ARPP21: variants seen among roughly 807,000 people sequenced by gnomAD.
The protein encoded by ARPP21 is cAMP-regulated phosphoprotein 21.
A neutral mutation model predicts 113.2 loss-of-function variants in ARPP21; 69 were observed. The ratio of observed to expected loss-of-function variants is 0.61; its 90% CI spans 0.50 to 0.74. ARPP21 has a LOEUF of 0.74. Ranked by LOEUF, ARPP21 falls within the 30% of genes least tolerant of loss-of-function variation. The probability of loss-of-function intolerance (pLI) is 0.00; values close to 1 mark genes in which losing one functional copy is unlikely to be tolerated. For synonymous variants in ARPP21, 368 were observed against 375.5 expected, an observed-to-expected ratio of 0.98 and a Z score of 0.23; for missense variants, 1,070 against 1,037.4, an observed-to-expected ratio of 1.03 and a Z score of -0.43.
At position 35,710,052 on chromosome 3, in the gene ARPP21, G is replaced by A. The variant is rs2090534205; in HGVS notation, c.897+982G>A. Among the ~76,000 whole-genome samples, 4 of 152,300 alleles carry A rather than the reference G, an allele frequency of 2.6e-5. No homozygotes were observed. The South Asian group carries it at 6.2e-4, about 24-fold the overall frequency. ...CCAGCTGGTCTGGTTCCATTAATAT[G>A]AAAGTGCAGGGGAGATTCAACCTCC... On this transcript the variant is annotated intron_variant, in intron 11 of 20. Coordinates refer to ENST00000684406, the MANE Select transcript of ARPP21 (RefSeq NM_001385562.1).
At chr3:35,779,232 G>C (rs2016739) in intron 19 of ARPP21, among the ~76,000 whole-genome samples, 67,280 of 151,998 alleles carry the variant, frequency 0.44, 16,160 homozygotes, top group African/African-American at 0.6. Context: ...AGCAGCAGAA[G>C]TGGCACAATT....
At chr3:35,710,029 A>G (rs1476238549) in intron 11 of ARPP21, among the ~76,000 whole-genome samples, 1 of 152,210 alleles carries the variant, frequency 6.6e-6, no homozygotes, top group Non-Finnish European at 1.5e-5. Flanking sequence ...CTGATCTTCC[A>G]GCTGGTCTGG....
At chr3:35,717,941 A>T (rs1320041989) in intron 13 of ARPP21, among the ~76,000 whole-genome samples, 1 of 152,114 alleles carries the variant, frequency 6.6e-6, no homozygotes, top group African/African-American at 2.4e-5. Flanking sequence ...GAGCGACCAT[A>T]CCCATTTTCT....
chr3:35,749,626 G>A (rs2095327885), intron 19 of ARPP21, among the ~76,000 whole-genome samples: 1 of 151,882 alleles, frequency 6.6e-6, no homozygotes, highest in African/African-American at 2.4e-5. Flanking sequence ...TTCTTTAAAT[G>A]TTTGTTAGAA....
At chr3:35,653,403 G>A (rs1366610129) in intron 1 of ARPP21, among the ~76,000 whole-genome samples, 3 of 151,992 alleles carry the variant, frequency 2.0e-5, no homozygotes, top group Admixed American at 6.6e-5. Context: ...AGGAGCTAAG[G>A]GAAGTAGGTA....
intron 14 of ARPP21, among the ~76,000 whole-genome samples, chr3:35,724,482 T>C (rs1434089127): frequency 6.6e-6 from 1 of 152,150 alleles, no homozygotes; most frequent in Admixed American, 6.6e-5. Flanking sequence ...ACTGGTTAAA[T>C]CCCAGATTGC....
At chr3:35,665,862 A>T (rs1016714186) in intron 1 of ARPP21, among the ~76,000 whole-genome samples, 1 of 152,168 alleles carries the variant, frequency 6.6e-6, no homozygotes, top group East Asian at 1.9e-4. Context: ...TGTATGCACA[A>T]TATGTGGAAG....
In ARPP21 at chr3:35,699,982, C is replaced by T. The variant is rs2085677630; in HGVS notation, c.687-6992C>T. Among the ~76,000 whole-genome samples the T allele has an allele frequency of 2.0e-5, 3 of 151,722 alleles. No individual in the cohort carries two copies. In the South Asian group the frequency reaches 6.2e-4, roughly 31 times the overall value. ...TTATATCTATCCTACTTAAGGTTAACTCTAAAGAAAATTTTGGATCAATAA... is the reference window on the plus strand; with the variant it reads ...TTATATCTATCCTACTTAAGGTTAATTCTAAAGAAAATTTTGGATCAATAA... On this transcript the variant is annotated intron_variant, in intron 9 of 20. Coordinates refer to ENST00000684406, the MANE Select transcript of ARPP21 (RefSeq NM_001385562.1).
At chr3:35,698,204 T>G (rs1226953607) in intron 9 of ARPP21, among the ~76,000 whole-genome samples, 2 of 151,716 alleles carry the variant, frequency 1.3e-5, no homozygotes, top group Non-Finnish European at 3.0e-5. Context: ...TCAAACTCCA[T>G]GTCATTTTCT....
chr3:35,671,737 C>G (rs1452034509), intron 1 of ARPP21, among the ~76,000 whole-genome samples: 1 of 151,612 alleles, frequency 6.6e-6, no homozygotes, highest in Non-Finnish European at 1.5e-5. Context: ...TCAGAGGAAA[C>G]CTCATGCAAT....
At chr3:35,688,880 A>ATT (rs11457892) in intron 6 of ARPP21, among the ~76,000 whole-genome samples, 1,512 of 146,792 alleles carry the variant, frequency 0.01, 15 homozygotes, top group African/African-American at 0.027. Context: ...CAGAACATTC[A>ATT]TTTTTTTTTT....
chr3:35,704,106 A>C (rs2087648572), intron 9 of ARPP21, among the ~76,000 whole-genome samples: 1 of 151,950 alleles, frequency 6.6e-6, no homozygotes, highest in Non-Finnish European at 1.5e-5. Flanking sequence ...AGCAAAATTC[A>C]AATAGTTTCT....
At chr3:35,671,646 C>A (rs934259808) in intron 1 of ARPP21, among the ~76,000 whole-genome samples, 1 of 152,052 alleles carries the variant, frequency 6.6e-6, no homozygotes, top group African/African-American at 2.4e-5. Context: ...GTAGTAGGAA[C>A]ACCGTTGCCC....
At chr3:35,678,190 A>G (rs1297788478) in intron 1 of ARPP21, among the ~76,000 whole-genome samples, 2 of 151,916 alleles carry the variant, frequency 1.3e-5, no homozygotes, top group Non-Finnish European at 2.9e-5. Context: ...TAATGCATCT[A>G]AGACTTAGTT....
intron 11 of ARPP21, 42 bp from the exon 12 acceptor site, chr3:35,715,397 T>TCTGG: frequency 6.3e-7 from 1 of 1,575,538 alleles, no homozygotes; most frequent in Admixed American, 1.7e-5. Context: ...TCCCTCAGCA[T>TCTGG]ATCCAGAACT....
At chr3:35,763,798 G>A (rs2095861306) in intron 19 of ARPP21, among the ~76,000 whole-genome samples, 1 of 152,090 alleles carries the variant, frequency 6.6e-6, no homozygotes, top group South Asian at 2.1e-4. Context: ...CATCACCTTT[G>A]AGTATTTGTA....
At chr3:35,770,766 T>C (rs754456231) in intron 19 of ARPP21, among the ~76,000 whole-genome samples, 1 of 152,192 alleles carries the variant, frequency 6.6e-6, no homozygotes, top group Non-Finnish European at 1.5e-5. Flanking sequence ...ATGCCACAAT[T>C]CTTTATGCCC....
chr3:35,739,443 A>G lies in ARPP21; in HGVS notation c.1876A>G (p.Ser626Gly). The change falls in exon 18 of 21, where the codon AGC (serine) becomes GGC (glycine). Residue 626 changes from serine to glycine, a missense_variant. By Grantham distance (56) the Ser-to-Gly change is moderately conservative. Coordinates refer to ENST00000684406, the MANE Select transcript of ARPP21 (RefSeq NM_001385562.1). ...TATGCCACAGCCGGCCCAGCAGCCCAGCTATGTAATCGCCTCTACAGGCCA... is the reference window on the plus strand; with the variant it reads ...TATGCCACAGCCGGCCCAGCAGCCCGGCTATGTAATCGCCTCTACAGGCCA... Reference protein sequence around the residue: ...SLMPQPAQQPSYVIASTGQQL... With the variant: ...SLMPQPAQQPGYVIASTGQQL... The G allele has an allele frequency of 6.2e-7, 1 of 1,614,114 alleles. No homozygotes were observed. Among genetic ancestry groups the G allele is most frequent in the Non-Finnish European group, 8.5e-7 (1 of 1,180,036 alleles).
intron 19 of ARPP21, chr3:35,744,429 C>T: frequency 2.0e-6 from 1 of 511,924 alleles, no homozygotes; most frequent in South Asian, 1.5e-5. Context: ...CTCCATGGTT[C>T]ACTTTCATGA....
Sources: allele counts gnomAD v4.1 joint callset (sites outside exome capture counted in the v4.1 genomes callset), GRCh38; gene constraint gnomAD v4.1.1; transcripts MANE v1.5; gene names NCBI Gene and HGNC (gene_info 2026-07-23, HGNC 2026-07-21).